NOL4: variants seen among roughly 807,000 people sequenced by gnomAD.
NOL4 encodes the protein cancer/testis antigen 125.
A neutral mutation model predicts 75.9 loss-of-function variants in NOL4; 17 were observed. That is an observed-to-expected ratio of 0.22 (90% CI 0.15 to 0.34). The LOEUF is 0.34. NOL4 is among the 10% of genes least tolerant of loss of function. NOL4 has a pLI of 1.00. For missense variants in NOL4, 614 were observed against 793.5 expected (o/e 0.77, Z 2.72); for synonymous variants, 292 against 289.9 (o/e 1.01, Z -0.07).
At chr18:34,080,698 A>T (rs1370506631) in intron 5 of NOL4, among the ~76,000 whole-genome samples, 2 of 152,176 alleles carry the variant, frequency 1.3e-5, no homozygotes, top group African/African-American at 4.8e-5. Flanking sequence ...CACAAACATC[A>T]TCATCTTTAA....
At chr18:34,215,156 T>A (rs1487303542) in intron 1 of NOL4, among the ~76,000 whole-genome samples, 1 of 152,164 alleles carries the variant, frequency 6.6e-6, no homozygotes, top group Non-Finnish European at 1.5e-5. Context: ...AACTTTTATG[T>A]TGTGTGTTTT....
intron 5 of NOL4, among the ~76,000 whole-genome samples, chr18:34,069,960 C>T (rs1377209032): frequency 6.6e-6 from 1 of 152,254 alleles, no homozygotes; most frequent in East Asian, 1.9e-4. Context: ...TACCCCAGTT[C>T]TAGGTAGCCC....
chr18:34,033,644 T>C (rs2075748998), intron 5 of NOL4, among the ~76,000 whole-genome samples: 1 of 152,066 alleles, frequency 6.6e-6, no homozygotes, highest in South Asian at 2.1e-4. Flanking sequence ...AGATAATAAA[T>C]GAAAACTCCC....
chr18:33,872,477 T>A (rs2063745726), intron 10 of NOL4, among the ~76,000 whole-genome samples: 2 of 151,894 alleles, frequency 1.3e-5, no homozygotes, highest in Non-Finnish European at 2.9e-5. Flanking sequence ...CATTGAGGAG[T>A]GAATGATATA....
At chr18:33,885,765 T>G (rs1021914177) in intron 9 of NOL4, among the ~76,000 whole-genome samples, 1 of 152,034 alleles carries the variant, frequency 6.6e-6, no homozygotes, top group Admixed American at 6.6e-5. Context: ...AGTTTGGAGG[T>G]TCCTCAAAAA....
chr18:33,915,940 T>C (rs2066696137), intron 9 of NOL4, among the ~76,000 whole-genome samples: 1 of 152,102 alleles, frequency 6.6e-6, no homozygotes, highest in Non-Finnish European at 1.5e-5. Context: ...AGATAAAATT[T>C]ATTCCCAAAT....
intron 8 of NOL4, among the ~76,000 whole-genome samples, chr18:33,944,353 A>G (rs2068698541): frequency 1.3e-5 from 2 of 151,882 alleles, no homozygotes; most frequent in East Asian, 1.9e-4. Flanking sequence ...TACATCTCAA[A>G]TAATATTCTA....
chr18:34,114,843 C>T (rs1343983082), intron 2 of NOL4, among the ~76,000 whole-genome samples: 1 of 149,736 alleles, frequency 6.7e-6, no homozygotes. Context: ...ACAGACAAGA[C>T]AAATGCTAAG....
At chr18:33,973,326 C>A (rs544507415) in intron 6 of NOL4, among the ~76,000 whole-genome samples, 1 of 152,242 alleles carries the variant, frequency 6.6e-6, no homozygotes, top group East Asian at 1.9e-4. Context: ...AGTTCTGATT[C>A]TACTTCTCTT....
At chr18:34,159,700 C>G (rs1438343792) in intron 1 of NOL4, among the ~76,000 whole-genome samples, 1 of 152,198 alleles carries the variant, frequency 6.6e-6, no homozygotes, top group African/African-American at 2.4e-5. Context: ...AGCACACTCT[C>G]CCAGTCCCTT....
chr18:33,933,703 C>A (rs958282561), intron 9 of NOL4, among the ~76,000 whole-genome samples: 2 of 152,162 alleles, frequency 1.3e-5, no homozygotes, highest in African/African-American at 4.8e-5. Flanking sequence ...AATTCAGTCA[C>A]ATCTTCAGGC....
intron 6 of NOL4, among the ~76,000 whole-genome samples, chr18:33,992,768 G>T (rs1329870221): frequency 6.6e-6 from 1 of 151,990 alleles, no homozygotes; most frequent in Non-Finnish European, 1.5e-5. Flanking sequence ...TTCACTCATA[G>T]AATGAAAGCT....
intron 9 of NOL4, among the ~76,000 whole-genome samples, chr18:33,904,400 C>T (rs1488103136): frequency 6.6e-6 from 1 of 151,726 alleles, no homozygotes; most frequent in Non-Finnish European, 1.5e-5. Flanking sequence ...CCAAGGGAGC[C>T]CCAGAAAAAA....
intron 1 of NOL4, among the ~76,000 whole-genome samples, chr18:34,161,816 T>C (rs970660990): frequency 2.0e-5 from 3 of 152,194 alleles, no homozygotes; most frequent in Non-Finnish European, 2.9e-5. Flanking sequence ...TGTTACCTGA[T>C]TGTTAATTTA....
chr18:33,885,210 T>C (rs1006192264), intron 9 of NOL4, among the ~76,000 whole-genome samples: 1 of 152,122 alleles, frequency 6.6e-6, no homozygotes, highest in Non-Finnish European at 1.5e-5. Flanking sequence ...ATTAATTGAC[T>C]GAAATTGGTG....
chr18:34,141,416 C>T (rs1466746360), intron 1 of NOL4, among the ~76,000 whole-genome samples: 2 of 152,154 alleles, frequency 1.3e-5, no homozygotes, highest in African/African-American at 4.8e-5. Flanking sequence ...AGGCATCACA[C>T]TACCTGACTT....
At chr18:34,001,759 G>A (rs2073729755) in intron 6 of NOL4, 2 of 152,738 alleles carry the variant, frequency 1.3e-5, no homozygotes, top group African/African-American at 4.8e-5. Context: ...GTAACTGTGT[G>A]TGATCAATTA....
At chr18:33,890,715 AG>A (rs1302963896) in intron 9 of NOL4, among the ~76,000 whole-genome samples, 1 of 152,100 alleles carries the variant, frequency 6.6e-6, no homozygotes, top group Non-Finnish European at 1.5e-5. Context: ...ATAGATAGTA[AG>A]GGAGTTTAAC....
At chr18:34,104,277 T>C in intron 3 of NOL4, 118 bp from the exon 4 acceptor site, 2 of 662,010 alleles carry the variant, frequency 3.0e-6, no homozygotes, top group East Asian at 2.8e-5. Flanking sequence ...TCTTAAAGCA[T>C]GGTAGCATTA....
Sources: allele counts gnomAD v4.1 joint callset (sites outside exome capture counted in the v4.1 genomes callset), GRCh38; gene constraint gnomAD v4.1.1; transcripts MANE v1.5; gene names NCBI Gene and HGNC (gene_info 2026-07-23, HGNC 2026-07-21).